Variants in ARID4B observed in about 807,000 individuals in gnomAD.
ARID4B encodes the protein AT-rich interactive domain-containing protein 4B.
ARID4B carries 26 observed loss-of-function variants against 147.5 expected under a neutral mutation model. The ratio of observed to expected loss-of-function variants is 0.18; its 90% confidence interval spans 0.13 to 0.24. ARID4B has a LOEUF of 0.24. Ranked by LOEUF, ARID4B falls within the 10% of genes least tolerant of loss-of-function variation. The pLI is 1.00. For synonymous variants in ARID4B, 512 were observed against 507.9 expected, an observed-to-expected ratio of 1.01 and a Z score of -0.11; for missense variants, 1,179 against 1,511.5, an observed-to-expected ratio of 0.78 and a Z score of 3.65.
chr1:235,259,382 G>A (rs1460597831), intron 3 of ARID4B, among the ~76,000 whole-genome samples: 2 of 152,202 alleles, frequency 1.3e-5, no homozygotes, highest in African/African-American at 4.8e-5. Context: ...TTTTCCAACT[G>A]GCACAAACTT....
rs2103069232 is a variant in ARID4B at position 235,239,178 on chromosome 1, G to A, written c.585+1135C>T. Among the ~76,000 whole-genome samples the A allele has an allele frequency of 2.0e-5, 3 of 152,020 alleles. No homozygotes were observed. The South Asian group carries it at 6.2e-4, about 32-fold the overall frequency. On this transcript the variant is annotated intron_variant, in intron 8 of 23. Transcript: ENST00000264183. ...GTAGAGACGGGGTTTTGCCCTGTTG[G>A]CCAGGCTGGTCTCGAACTCCTGACC...
At chr1:235,227,949 C>T (rs10925162) in intron 11 of ARID4B, among the ~76,000 whole-genome samples, 44,518 of 151,094 alleles carry the variant, frequency 0.29, 7,669 homozygotes, top group South Asian at 0.53. Flanking sequence ...TCTACTGCCT[C>T]AGCCTCCCGA....
At chr1:235,260,427 T>A (rs1254092631) in intron 3 of ARID4B, among the ~76,000 whole-genome samples, 1 of 152,216 alleles carries the variant, frequency 6.6e-6, no homozygotes, top group Non-Finnish European at 1.5e-5. Context: ...AAGACGTCTA[T>A]AGTGAAATGG....
intron 2 of ARID4B, among the ~76,000 whole-genome samples, chr1:235,299,771 A>G (rs1275779482): frequency 2.0e-5 from 3 of 152,232 alleles, no homozygotes; most frequent in South Asian, 2.1e-4. Flanking sequence ...GTTTGAACTC[A>G]TAATTCTTGT....
chr1:235,208,065 T>G (rs892148174), intron 17 of ARID4B, among the ~76,000 whole-genome samples: 1 of 152,180 alleles, frequency 6.6e-6, no homozygotes, highest in African/African-American at 2.4e-5. Context: ...ATTCTCTAAC[T>G]AAATTTGCAA....
At chr1:235,324,133 T>C (rs528469914) in intron 2 of ARID4B, among the ~76,000 whole-genome samples, 14 of 152,050 alleles carry the variant, frequency 9.2e-5, no homozygotes, top group Non-Finnish European at 2.1e-4. Flanking sequence ...TCAAACTCCC[T>C]TGACCTCAGG....
intron 3 of ARID4B, among the ~76,000 whole-genome samples, chr1:235,258,057 T>G (rs1670092719): frequency 6.6e-6 from 1 of 151,980 alleles, no homozygotes; most frequent in Non-Finnish European, 1.5e-5. Context: ...ACAGGCCAGG[T>G]GCGGTGGCTC....
At chr1:235,203,610 TTAA>T (rs1666097386) in intron 17 of ARID4B, among the ~76,000 whole-genome samples, 1 of 152,298 alleles carries the variant, frequency 6.6e-6, no homozygotes, top group African/African-American at 2.4e-5. Flanking sequence ...ATAGATTCAT[TTAA>T]TAATTGTTGC....
At chr1:235,315,664 C>T (rs1674375934) in intron 2 of ARID4B, among the ~76,000 whole-genome samples, 1 of 152,036 alleles carries the variant, frequency 6.6e-6, no homozygotes, top group Non-Finnish European at 1.5e-5. Context: ...AGAATTAGCC[C>T]GTTCTACCAC....
chr1:235,190,872 T>A (rs190117699), intron 19 of ARID4B, among the ~76,000 whole-genome samples: 21 of 152,252 alleles, frequency 1.4e-4, no homozygotes, highest in Non-Finnish European at 2.6e-4. Flanking sequence ...GCAACAGATA[T>A]AGAGGGAAAC....
intron 17 of ARID4B, among the ~76,000 whole-genome samples, chr1:235,208,932 TAGTA>T (rs1212622908): frequency 2.0e-5 from 3 of 151,730 alleles, no homozygotes; most frequent in Non-Finnish European, 2.9e-5. Flanking sequence ...CTTGGTGACA[TAGTA>T]AGTAATATAG....
chr1:235,179,523 C>A (rs1424414993), intron 20 of ARID4B, among the ~76,000 whole-genome samples: 1 of 34,244 alleles, frequency 2.9e-5, no homozygotes, highest in Admixed American at 4.6e-4. Context: ...AACTCTATGT[C>A]TCAAAAAAAA....
At chr1:235,250,062 G>A (rs1398060502) in intron 6 of ARID4B, among the ~76,000 whole-genome samples, 3 of 151,856 alleles carry the variant, frequency 2.0e-5, no homozygotes, top group South Asian at 2.1e-4. Context: ...AGCCGAGATC[G>A]CACCACTGCA....
intron 2 of ARID4B, among the ~76,000 whole-genome samples, chr1:235,295,637 C>T (rs1356700173): frequency 6.8e-6 from 1 of 147,078 alleles, no homozygotes; most frequent in African/African-American, 2.5e-5. Flanking sequence ...TAGTGAAACC[C>T]TGACTCTACT....
intron 2 of ARID4B, among the ~76,000 whole-genome samples, chr1:235,302,559 T>C (rs190444198): frequency 1.6e-3 from 244 of 152,330 alleles, no homozygotes; most frequent in Middle Eastern, 0.01. Flanking sequence ...TCAACACCTG[T>C]TTCTTTTTAT....
intron 7 of ARID4B, among the ~76,000 whole-genome samples, chr1:235,242,621 T>C (rs1669061208): frequency 6.6e-6 from 1 of 152,178 alleles, no homozygotes; most frequent in Non-Finnish European, 1.5e-5. Flanking sequence ...TCAAAATCTG[T>C]ACAACATAGA....
chr1:235,303,085 G>A (rs540370430), intron 2 of ARID4B, among the ~76,000 whole-genome samples: 5 of 151,980 alleles, frequency 3.3e-5, no homozygotes, highest in South Asian at 2.1e-4. Context: ...CACCACACCC[G>A]GCTAATTTTT....
At chr1:235,309,060 A>AG (rs1267414098) in intron 2 of ARID4B, among the ~76,000 whole-genome samples, 1 of 140,988 alleles carries the variant, frequency 7.1e-6, no homozygotes, top group African/African-American at 2.7e-5. Flanking sequence ...CATCCCATCT[A>AG]GGAAGTGAGG....
At chr1:235,286,824 C>T (rs1672004483) in intron 2 of ARID4B, among the ~76,000 whole-genome samples, 1 of 152,102 alleles carries the variant, frequency 6.6e-6, no homozygotes, top group Admixed American at 6.6e-5. Context: ...AAATACAAGG[C>T]TGAATCAGAC....
Sources: gnomAD v4.1 joint callset for allele counts (sites outside exome capture counted in the v4.1 genomes callset) on GRCh38, gnomAD v4.1.1 for gene constraint, MANE v1.5 for transcripts, NCBI Gene and HGNC (gene_info 2026-07-23, HGNC 2026-07-21) for gene names.